Variants in ADAMTS3 observed in about 807,000 individuals in gnomAD.
ADAMTS3 encodes A disintegrin and metalloproteinase with thrombospondin motifs 3.
A neutral mutation model predicts 129.0 loss-of-function variants in ADAMTS3; 73 were observed. The ratio of observed to expected loss-of-function variants is 0.57; its 90% CI spans 0.47 to 0.69. The LOEUF is 0.69. Among genes scored for constraint, ADAMTS3 ranks in the 30% least tolerant of loss-of-function variants. The pLI is 0.00. For synonymous variants in ADAMTS3, 477 were observed against 510.8 expected (o/e 0.93, Z 0.89); for missense variants, 1,457 against 1,514.5 (o/e 0.96, Z 0.63).
chr4:72,294,570 C>A (rs1441807368), intron 19 of ADAMTS3, among the ~76,000 whole-genome samples: 2 of 152,000 alleles, frequency 1.3e-5, no homozygotes, highest in African/African-American at 2.4e-5. Context: ...TAAAAACATA[C>A]AATTTTTATT....
intron 13 of ADAMTS3, 140 bp from the exon 14 acceptor site, chr4:72,311,321 G>T: frequency 2.7e-6 from 2 of 748,566 alleles, no homozygotes; most frequent in Non-Finnish European, 2.0e-6. Flanking sequence ...AATAAAATAA[G>T]GAGTAAGGAG....
chr4:72,319,326 AC>A lies in ADAMTS3; in HGVS notation c.1352+5del. The A allele has an allele frequency of 1.2e-6, 2 of 1,613,814 alleles. No individual in the cohort carries two copies. Among genetic ancestry groups the A allele is most frequent in the Non-Finnish European group, 1.7e-6 (2 of 1,179,868 alleles). On this transcript the variant is annotated splice_donor_5th_base_variant and intron_variant, in intron 9 of 21. Coordinates refer to ENST00000286657, the MANE Select transcript of ADAMTS3 (RefSeq NM_014243.3). ...ATACTTTCATGACATGCAGCAGGGG[AC>A]ATACTGGATATATCTTTTCAGTTCT...
rs78955327 is a variant in ADAMTS3, at chr4:72,557,966, G to C, written c.98-9082C>G. ...ATCATTAAGAATCTTACAGACTCGA[G>C]AGCTATGTTAGGCACTCTAAAAATT... On this transcript the variant is annotated intron_variant, in intron 2 of 21. Coordinates refer to ENST00000286657, the MANE Select transcript of ADAMTS3 (RefSeq NM_014243.3). 3.0e-3 allele frequency among the ~76,000 whole-genome samples: 462 copies of C among 151,774 alleles called. 22 individuals are homozygous for C. The highest frequency in any genetic ancestry group is 0.011 in the African/African-American group (441 of 41,158).
chr4:72,410,484 A>G (rs1173204133), intron 4 of ADAMTS3, among the ~76,000 whole-genome samples: 2 of 152,184 alleles, frequency 1.3e-5, no homozygotes, highest in Non-Finnish European at 2.9e-5. Context: ...TTACTTTAAC[A>G]CAAAGCTTCT....
rs566517164 is a variant in ADAMTS3 at position 72,397,955 on chromosome 4, T to C, written c.661+16860A>G. Among the ~76,000 whole-genome samples the C allele has an allele frequency of 6.6e-5, 10 of 152,150 alleles. No homozygotes were observed. The Middle Eastern group carries it at 0.01, about 155-fold the overall frequency. On this transcript the variant is annotated intron_variant, in intron 4 of 21. Coordinates refer to ENST00000286657, the MANE Select transcript of ADAMTS3 (RefSeq NM_014243.3). ...CAATTTAATGTAAAAAAAAAATCAC[T>C]ACTGCATTGTAGAAGAAGGAGACCC...
intron 15 of ADAMTS3, among the ~76,000 whole-genome samples, chr4:72,308,750 C>T (rs1302020255): frequency 6.6e-6 from 1 of 151,664 alleles, no homozygotes; most frequent in Non-Finnish European, 1.5e-5. Context: ...TGCATGAAGA[C>T]AGCTTTTTGT....
intron 3 of ADAMTS3, among the ~76,000 whole-genome samples, chr4:72,544,479 G>A (rs1205112943): frequency 6.6e-6 from 1 of 152,064 alleles, no homozygotes; most frequent in Admixed American, 6.6e-5. Flanking sequence ...TAATACTAGT[G>A]CTTCAAAATG....
At chr4:72,411,233 C>T (rs981030458) in intron 4 of ADAMTS3, among the ~76,000 whole-genome samples, 1 of 152,082 alleles carries the variant, frequency 6.6e-6, no homozygotes, top group South Asian at 2.1e-4. Context: ...CCATATGACA[C>T]ATTATCTTAA....
intron 3 of ADAMTS3, among the ~76,000 whole-genome samples, chr4:72,541,003 C>T (rs1282175504): frequency 1.3e-5 from 2 of 152,186 alleles, no homozygotes; most frequent in African/African-American, 4.8e-5. Context: ...AGAAGAGGGC[C>T]ACCATCCTCC....
At chr4:72,478,079 C>A (rs546465484) in intron 3 of ADAMTS3, among the ~76,000 whole-genome samples, 1 of 152,132 alleles carries the variant, frequency 6.6e-6, no homozygotes, top group Non-Finnish European at 1.5e-5. Context: ...GAGTCCAGGA[C>A]CAGATGGTTT....
intron 13 of ADAMTS3, chr4:72,311,972 T>A (rs896110708): frequency 3.9e-6 from 1 of 258,314 alleles, no homozygotes; most frequent in Non-Finnish European, 7.4e-6. Context: ...AAGATCACAA[T>A]ATTCCAGAAG....
Position 72,339,473 on chromosome 4 carries a change from TA to T in ADAMTS3, c.861+20del. 2 of 1,611,406 alleles carry T rather than the reference TA, an allele frequency of 1.2e-6. No homozygotes were observed. Among genetic ancestry groups the T allele is most frequent in the Non-Finnish European group, 1.7e-6 (2 of 1,178,190 alleles). ...AGTGAATTAAAAGATCAAAAAGCTT[TA>T]AAAAGGAGTCACTACTCACAATGTT... On this transcript the variant is annotated intron_variant, in intron 5 of 21. Coordinates refer to ENST00000286657, the MANE Select transcript of ADAMTS3 (RefSeq NM_014243.3).
chr4:72,509,011 TGCTCCTGAA>T (rs1720239307), intron 3 of ADAMTS3, among the ~76,000 whole-genome samples: 1 of 151,976 alleles, frequency 6.6e-6, no homozygotes, highest in African/African-American at 2.4e-5. Context: ...CTAAACAATA[TGCTCCTGAA>T]TGACCAGTGG....
chr4:72,514,996 C>G (rs1187650324), intron 3 of ADAMTS3, among the ~76,000 whole-genome samples: 2 of 152,110 alleles, frequency 1.3e-5, no homozygotes, highest in African/African-American at 2.4e-5. Context: ...TACCCCCACC[C>G]CACAACAGTC....
chr4:72,445,897 A>G (rs1718239453), intron 3 of ADAMTS3, among the ~76,000 whole-genome samples: 1 of 151,812 alleles, frequency 6.6e-6, no homozygotes, highest in South Asian at 2.1e-4. Context: ...TAAAGGCATC[A>G]TTGATTAACA....
chr4:72,282,772 T>C lies in ADAMTS3; in HGVS notation c.*364A>G. 1 of 161,862 alleles carries C rather than the reference T, an allele frequency of 6.2e-6. No individual in the cohort carries two copies. Among genetic ancestry groups the C allele is most frequent in the Non-Finnish European group, 1.3e-5 (1 of 74,322 alleles). The allele number at this position is 161,862 out of a possible 1,614,324, so 10.0% of individuals were successfully genotyped here. On this transcript the variant is annotated 3_prime_UTR_variant, in exon 22 of 22. Coordinates refer to ENST00000286657, the MANE Select transcript of ADAMTS3 (RefSeq NM_014243.3). Reference sequence around the variant, plus strand: ...AAATTTCTTGTTAAAGTGTAAACCATTGGTATCTCTTTTTAATTTTTACTG... The same window carrying C: ...AAATTTCTTGTTAAAGTGTAAACCACTGGTATCTCTTTTTAATTTTTACTG...
intron 3 of ADAMTS3, among the ~76,000 whole-genome samples, chr4:72,420,367 C>T (rs1722411474): frequency 6.6e-6 from 1 of 152,162 alleles, no homozygotes; most frequent in Non-Finnish European, 1.5e-5. Flanking sequence ...GCTCTTTCCT[C>T]TACTTGGAAT....
At chr4:72,393,548 C>G (rs1287102563) in intron 4 of ADAMTS3, among the ~76,000 whole-genome samples, 1 of 152,198 alleles carries the variant, frequency 6.6e-6, no homozygotes, top group African/African-American at 2.4e-5. Flanking sequence ...AAGTCAGTAT[C>G]TGTGCTATCA....
chr4:72,435,177 G>C (rs1057436046), intron 3 of ADAMTS3, among the ~76,000 whole-genome samples: 1 of 151,732 alleles, frequency 6.6e-6, no homozygotes, highest in Non-Finnish European at 1.5e-5. Flanking sequence ...CCTCAAAAAA[G>C]ACATTTGATT....
Sources: allele counts gnomAD v4.1 joint callset (sites outside exome capture counted in the v4.1 genomes callset), GRCh38; gene constraint gnomAD v4.1.1; transcripts MANE v1.5; gene names NCBI Gene and HGNC (gene_info 2026-07-23, HGNC 2026-07-21).